Variants in ALG5 observed in about 807,000 individuals in gnomAD.
ALG5 encodes dolichyl-phosphate beta-glucosyltransferase.
A neutral mutation model predicts 51.8 loss-of-function variants in ALG5; 26 were observed. That is an observed-to-expected ratio of 0.50 (90% CI 0.37 to 0.70). ALG5 has a LOEUF of 0.70. Ranked by LOEUF, ALG5 falls within the 30% of genes least tolerant of loss-of-function variation. The pLI, the probability that ALG5 is intolerant of heterozygous loss-of-function variation, is 0.00. For missense variants in ALG5, 311 were observed against 399.3 expected (o/e 0.78, Z 1.88); for synonymous variants, 141 against 136.1 (o/e 1.04, Z -0.25).
intron 8 of ALG5, among the ~76,000 whole-genome samples, chr13:36,955,351 TAAAAAG>T (rs1177503821): frequency 6.6e-6 from 1 of 152,018 alleles, no homozygotes; most frequent in Admixed American, 6.6e-5. Flanking sequence ...GAATGAGTGT[TAAAAAG>T]AAACACAAAA....
chr13:36,962,573 C>G (rs1422274703), intron 8 of ALG5, among the ~76,000 whole-genome samples: 1 of 152,086 alleles, frequency 6.6e-6, no homozygotes, highest in African/African-American at 2.4e-5. Flanking sequence ...TCAAGCAATC[C>G]ACCTGCCTCA....
intron 7 of ALG5, among the ~76,000 whole-genome samples, chr13:36,969,496 G>C (rs1157685098): frequency 6.6e-6 from 1 of 150,894 alleles, no homozygotes. Flanking sequence ...AGCTGTTTTA[G>C]TGTGCAAAAA....
chr13:36,993,472 A>C (rs2059034548), intron 4 of ALG5, 132 bp downstream of exon 4: 6 of 736,016 alleles, frequency 8.2e-6, no homozygotes, highest in Non-Finnish European at 1.4e-5. Context: ...TTTTTCTGCT[A>C]TCTAGACTAT....
In ALG5 at chr13:36,989,493, C is replaced by T. The variant is rs535279189; in HGVS notation, c.438G>A (p.Ala146=). The change falls in exon 5 of 10, where the codon GCG becomes GCA. Residue 146 remains alanine (A), a synonymous_variant. Transcript: ENST00000239891. ...TLVKNRGKGG[A]IRMGIFSSRG... is the part of the protein sequence containing the mutation. ...TGAAAATATGTATTACCATTCTAAT[C>T]GCTCCACCTTTTCCACGATTCTTCA... The T allele has an allele frequency of 2.5e-5, 40 of 1,610,562 alleles. No homozygotes were observed. The highest frequency in any genetic ancestry group is 6.7e-5 in the East Asian group (3 of 44,814).
Position 36,971,373 on chromosome 13 carries a change from G to A in ALG5, c.621+604C>T, listed in dbSNP as rs117016819. On this transcript the variant is annotated intron_variant, in intron 7 of 9. Coordinates refer to ENST00000239891, the MANE Select transcript of ALG5 (RefSeq NM_013338.5). ...AAAAAATGCATCATTTAGGCTGGGC[G>A]CAGTAGCTCACACCTTTAATCCTAG... 3.7e-4 allele frequency among the ~76,000 whole-genome samples: 56 copies of A among 152,234 alleles called. 1 individual carries two copies. The East Asian group carries it at 8.9e-3, about 24-fold the overall frequency.
intron 8 of ALG5, among the ~76,000 whole-genome samples, chr13:36,954,341 T>G (rs1222815776): frequency 6.6e-6 from 1 of 152,216 alleles, no homozygotes; most frequent in Non-Finnish European, 1.5e-5. Context: ...TTTTCATCTC[T>G]GTGCCACCAT....
intron 3 of ALG5, among the ~76,000 whole-genome samples, 174 bp from the exon 4 acceptor site, chr13:36,993,846 G>GAGAT (rs2059036697): frequency 6.6e-6 from 1 of 152,164 alleles, no homozygotes; most frequent in African/African-American, 2.4e-5. Context: ...AAGAGAGAGA[G>GAGAT]AGATCCTGGG....
Position 36,985,760 on chromosome 13 carries a change from G to T in ALG5, c.448-20C>A. 6.4e-7 allele frequency: 1 copy of T among 1,558,278 alleles called. No homozygotes were observed. The highest frequency in any genetic ancestry group is 8.8e-7 in the Non-Finnish European group (1 of 1,137,864). On this transcript the variant is annotated intron_variant, in intron 5 of 9. Transcript: ENST00000239891. ...TATACCCTGTATTTTAAAATTTCAA[G>T]TCAAAGAAAATTGGTTAAAACTCAG... is the stretch of plus-strand genomic sequence containing the variant.
chr13:36,980,156 A>G (rs1457529828), intron 6 of ALG5, among the ~76,000 whole-genome samples: 1 of 152,180 alleles, frequency 6.6e-6, no homozygotes, highest in African/African-American at 2.4e-5. Context: ...TTTGCCTGTT[A>G]GGGATTTTTG....
chr13:36,994,631 T>C (rs1056847971), intron 3 of ALG5, among the ~76,000 whole-genome samples: 3 of 135,724 alleles, frequency 2.2e-5, no homozygotes, highest in Admixed American at 6.8e-5. Context: ...ACAGCAACAA[T>C]ACACCTTTTC....
chr13:36,999,303 T>C lies in ALG5; in HGVS notation c.-3A>G, dbSNP rs767613936. The stretch of plus-strand genomic sequence containing the variant: ...AGCTGCAACAGAAGCGGAGCCATTC[T>C]CCATGCCGTGGCAGCCCGCCCAATC... On this transcript the variant is annotated 5_prime_UTR_variant, in exon 1 of 10. Coordinates refer to ENST00000239891, the MANE Select transcript of ALG5 (RefSeq NM_013338.5). 1.0e-4 allele frequency: 164 copies of C among 1,570,670 alleles called. No individual in the cohort carries two copies. Among genetic ancestry groups the C allele is most frequent in the Non-Finnish European group, 1.4e-4 (161 of 1,161,650 alleles).
Position 36,965,649 on chromosome 13 carries a change from G to C in ALG5, c.699C>G (p.Asp233Glu), listed in dbSNP as rs772747919. Residue 233 changes from aspartate (D) to glutamate (E), a missense_variant, in exon 8 of 10, where the codon GAC becomes GAG. By Grantham distance (45) the Asp-to-Glu change is conservative (BLOSUM62 2). Transcript: ENST00000239891. ...TAAATAATTTGAACCCACACTGTGT[G>C]TCCCTGATTCCTTTGACACAAAGGA... The part of the protein sequence containing the change: ...VWFLCVKGIR[D>E]TQCGFKLFTR... 1 of 1,614,026 alleles carries C rather than the reference G, an allele frequency of 6.2e-7. No individual in the cohort carries two copies. The highest frequency in any genetic ancestry group is 1.6e-4 in the Middle Eastern group (1 of 6,062).
chr13:36,999,106 T>G, intron 1 of ALG5, 129 bp downstream of exon 1: 1 of 760,724 alleles, frequency 1.3e-6, no homozygotes, highest in Non-Finnish European at 1.9e-6. Context: ...GGTCAGGAAT[T>G]TGGGGGAATC....
intron 4 of ALG5, among the ~76,000 whole-genome samples, chr13:36,992,722 A>C (rs1050766460): frequency 6.6e-6 from 1 of 152,202 alleles, no homozygotes; most frequent in African/African-American, 2.4e-5. Context: ...CCTTGGTCTG[A>C]AACGCCTCAA....
In ALG5 at chr13:36,995,498, A is replaced by G; in HGVS notation, c.165T>C (p.Thr55=). The G allele has an allele frequency of 6.2e-7, 1 of 1,609,454 alleles. No individual in the cohort carries two copies. Among genetic ancestry groups the G allele is most frequent in the Non-Finnish European group, 8.5e-7 (1 of 1,178,996 alleles). The stretch of plus-strand genomic sequence containing the variant: ...TAGGTGAGTCCCATATGCTGGGTAA[A>G]GTTTCTTTCTGGCCTTTGGCATTTA... ...FFLNAKGQKE[T]LPSIWDSPTK... is the part of the protein sequence containing the mutation. Residue 55 remains threonine, a synonymous_variant, in exon 2 of 10, where the codon ACT becomes ACC. Coordinates refer to ENST00000239891, the MANE Select transcript of ALG5 (RefSeq NM_013338.5).
chr13:36,993,555 T>G (rs2059034898), intron 4 of ALG5, 49 bp downstream of exon 4: 2 of 1,515,462 alleles, frequency 1.3e-6, no homozygotes, highest in East Asian at 4.5e-5. Flanking sequence ...TGTGCAAAAT[T>G]ATTCTCTATT....
rs753765291 is a variant in ALG5, at chr13:36,999,191, A to C, written c.66+44T>G. On this transcript the variant is annotated intron_variant, in intron 1 of 9. Transcript: ENST00000239891. Reference sequence around the variant, plus strand: ...CCTGAGGAGCCGCAGTCTCCAGGAGAGCGGTAAGCCCCGGCCTGCGCGGGT... The same window carrying C: ...CCTGAGGAGCCGCAGTCTCCAGGAGCGCGGTAAGCCCCGGCCTGCGCGGGT... 4.6e-6 allele frequency: 7 copies of C among 1,505,768 alleles called. 1 individual carries two copies. The Admixed American group carries it at 6.5e-5, about 14-fold the overall frequency. 93.3% of individuals were successfully genotyped at this position (1,505,768 alleles called of 1,614,324 possible). A position where few individuals can be genotyped will look rare whatever the true frequency, so the allele number is the denominator to read the frequency against.
intron 7 of ALG5, among the ~76,000 whole-genome samples, chr13:36,971,404 T>C (rs2058922281): frequency 6.6e-6 from 1 of 152,104 alleles, no homozygotes; most frequent in African/African-American, 2.4e-5. Flanking sequence ...CCTAGTACTT[T>C]GGGAGGCTGA....
chr13:36,978,727 C>A lies in ALG5; in HGVS notation c.562-6691G>T, dbSNP rs144862132. Among the ~76,000 whole-genome samples the A allele has an allele frequency of 6.5e-4, 98 of 150,554 alleles. 1 individual carries two copies. The East Asian group carries it at 0.017, about 27-fold the overall frequency. On this transcript the variant is annotated intron_variant, in intron 6 of 9. Coordinates refer to ENST00000239891, the MANE Select transcript of ALG5 (RefSeq NM_013338.5). Reference sequence around the variant, plus strand: ...AGGAGTTCAAGACCAGCCCTGGCCACCATGGTGAGACCCCACCTCTACTAA... The same window carrying A: ...AGGAGTTCAAGACCAGCCCTGGCCAACATGGTGAGACCCCACCTCTACTAA...
Sources: allele counts gnomAD v4.1 joint callset (sites outside exome capture counted in the v4.1 genomes callset), GRCh38; gene constraint gnomAD v4.1.1; transcripts MANE v1.5; gene names NCBI Gene and HGNC (gene_info 2026-07-23, HGNC 2026-07-21).